The following BBX variants were observed in gnomAD, a reference collection of about 807,000 sequenced individuals.
BBX encodes HMG box transcription factor BBX.
BBX carries 30 observed loss-of-function variants against 100.2 expected under a neutral mutation model. The observed-to-expected ratio is 0.30, with a 90% CI of 0.22 to 0.41. The LOEUF (loss-of-function observed/expected upper bound fraction) is 0.41. BBX is among the 10% of genes least tolerant of loss of function. BBX has a pLI of 1.00. For missense variants in BBX, 1,023 were observed against 1,129.8 expected, an observed-to-expected ratio of 0.91 and a Z score of 1.35; for synonymous variants, 376 against 388.1, an observed-to-expected ratio of 0.97 and a Z score of 0.37.
At position 107,805,944 on chromosome 3, in the gene BBX, AT is replaced by A; in HGVS notation, c.*488del. Reference sequence around the variant, plus strand: ...GAGATTTAAGTTTAAGATGGTTTATATAATAGGTTATACCTACATTTATATT... The same window carrying A: ...GAGATTTAAGTTTAAGATGGTTTATAAATAGGTTATACCTACATTTATATT... On this transcript the variant is annotated 3_prime_UTR_variant, in exon 18 of 18. Transcript: ENST00000325805. 1.3e-5 allele frequency: 2 copies of A among 156,404 alleles called. No individual in the cohort carries two copies. Among genetic ancestry groups the A allele is most frequent in the Middle Eastern group, 3.4e-3 (1 of 294 alleles). The allele number at this position is 156,404 out of a possible 1,614,324, so 9.7% of individuals were successfully genotyped here.
chr3:107,656,277 T>C (rs749241066), intron 3 of BBX, among the ~76,000 whole-genome samples: 7 of 152,248 alleles, frequency 4.6e-5, no homozygotes, highest in Non-Finnish European at 1.0e-4. Flanking sequence ...GCTTGGTCTT[T>C]GTCCCGTGTA....
intron 3 of BBX, among the ~76,000 whole-genome samples, chr3:107,671,868 A>G (rs1318268635): frequency 1.3e-5 from 2 of 152,076 alleles, no homozygotes; most frequent in African/African-American, 4.8e-5. Flanking sequence ...GCCTAGTTTT[A>G]CGATTCTGTT....
chr3:107,659,994 T>G lies in BBX; in HGVS notation c.-10+14085T>G, dbSNP rs76593558. Among the ~76,000 whole-genome samples, 1,144 of 152,220 alleles carry G rather than the reference T, an allele frequency of 7.5e-3. 12 individuals carry two copies. The highest frequency in any genetic ancestry group is 0.026 in the African/African-American group (1,083 of 41,534). On this transcript the variant is annotated intron_variant, in intron 3 of 17. Transcript: ENST00000325805. ...GTTTCCACACATAGCAGTGAAGAGA[T>G]AGTGAGTTTTCTAATGATGACACTG...
At chr3:107,784,119 T>C (rs1213737980) in intron 13 of BBX, among the ~76,000 whole-genome samples, 1 of 151,994 alleles carries the variant, frequency 6.6e-6, no homozygotes, top group African/African-American at 2.4e-5. Context: ...TATCTGTGAA[T>C]GAAAACAACC....
chr3:107,778,773 A>G lies in BBX; in HGVS notation c.2203+254A>G, dbSNP rs75315315. On this transcript the variant is annotated intron_variant, in intron 13 of 17. Coordinates refer to ENST00000325805, the MANE Select transcript of BBX (RefSeq NM_001142568.3). ...CTAAGCTTTTGCAAAGATGTTACAC[A>G]TGGTCTTCAACCTCCTGCTCTCCAG... 7.5e-4 allele frequency among the ~76,000 whole-genome samples: 114 copies of G among 151,956 alleles called. 2 individuals carry two copies. The East Asian group carries it at 0.019, about 26-fold the overall frequency.
intron 17 of BBX, among the ~76,000 whole-genome samples, chr3:107,802,165 C>T (rs1289164039): frequency 6.6e-6 from 1 of 152,232 alleles, no homozygotes; most frequent in Non-Finnish European, 1.5e-5. Flanking sequence ...GAGCTGCTTT[C>T]TTAGACTTTC....
intron 4 of BBX, among the ~76,000 whole-genome samples, chr3:107,713,916 GT>G (rs1331504539): frequency 4.9e-5 from 5 of 101,614 alleles, no homozygotes; most frequent in Non-Finnish European, 1.1e-4. Flanking sequence ...ATTCTGATTT[GT>G]TTCTCCTTTT....
At chr3:107,664,287 C>T (rs186509862) in intron 3 of BBX, among the ~76,000 whole-genome samples, 72 of 152,198 alleles carry the variant, frequency 4.7e-4, no homozygotes, top group African/African-American at 1.6e-3. Flanking sequence ...GATAATGCCA[C>T]GTGGATTTCC....
intron 2 of BBX, among the ~76,000 whole-genome samples, chr3:107,596,987 T>C (rs538988135): frequency 6.6e-6 from 1 of 152,352 alleles, no homozygotes; most frequent in East Asian, 1.9e-4. Context: ...TAAACTTTTT[T>C]ACTCCTGTAA....
chr3:107,671,639 A>G (rs2059024246), intron 3 of BBX, among the ~76,000 whole-genome samples: 1 of 152,154 alleles, frequency 6.6e-6, no homozygotes, highest in Admixed American at 6.6e-5. Context: ...ACAGAGAAAC[A>G]TATCTCAAAA....
intron 6 of BBX, among the ~76,000 whole-genome samples, chr3:107,729,858 CTT>C (rs1358307353): frequency 1.3e-5 from 2 of 152,072 alleles, no homozygotes; most frequent in Non-Finnish European, 2.9e-5. Context: ...TTTAACGAGA[CTT>C]TATGATTCAG....
At chr3:107,586,302 G>C (rs904680861) in intron 2 of BBX, among the ~76,000 whole-genome samples, 10 of 152,130 alleles carry the variant, frequency 6.6e-5, no homozygotes, top group African/African-American at 2.4e-4. Context: ...GAATGAACTT[G>C]TATGCAGTTT....
chr3:107,727,587 T>G (rs1362010147), intron 5 of BBX, among the ~76,000 whole-genome samples: 1 of 152,194 alleles, frequency 6.6e-6, no homozygotes, highest in Non-Finnish European at 1.5e-5. Flanking sequence ...AATGGATTAT[T>G]CAGAAACTTT....
At chr3:107,722,904 C>T (rs1004315410) in intron 5 of BBX, among the ~76,000 whole-genome samples, 3 of 152,012 alleles carry the variant, frequency 2.0e-5, no homozygotes, top group Admixed American at 6.6e-5. Context: ...AATTCCTTCT[C>T]TTCTTCCACC....
chr3:107,637,737 T>C (rs1023279255), intron 2 of BBX, among the ~76,000 whole-genome samples: 2 of 152,180 alleles, frequency 1.3e-5, no homozygotes, highest in African/African-American at 2.4e-5. Flanking sequence ...CACAGCTCTA[T>C]CATAAACCAG....
At chr3:107,716,895 C>T (rs762812771) in intron 5 of BBX, 46 bp downstream of exon 5, 1 of 1,590,174 alleles carries the variant, frequency 6.3e-7, no homozygotes, top group Non-Finnish European at 8.6e-7. Flanking sequence ...AGCAACCAGT[C>T]CTGAAACTCC....
At position 107,590,402 on chromosome 3, in the gene BBX, C is replaced by G. The variant is rs141786021; in HGVS notation, c.-83-55434C>G. ...TTTGTGTGTAAAGAACATTGCAAAT[C>G]TATGTATTTTGAAATACACAGTAAA... is the stretch of plus-strand genomic sequence containing the variant. On this transcript the variant is annotated intron_variant, in intron 2 of 17. Transcript: ENST00000325805. Among the ~76,000 whole-genome samples, 882 of 152,266 alleles carry G rather than the reference C, an allele frequency of 5.8e-3. 40 individuals carry two copies. The highest frequency in any genetic ancestry group is 0.054 in the Admixed American group (825 of 15,298).
intron 3 of BBX, among the ~76,000 whole-genome samples, chr3:107,685,995 C>A (rs1055862095): frequency 6.6e-6 from 1 of 152,094 alleles, no homozygotes; most frequent in Non-Finnish European, 1.5e-5. Flanking sequence ...CTTTATTGAT[C>A]CAGTTCATTT....
At chr3:107,720,214 ATTC>A (rs1001440446) in intron 5 of BBX, among the ~76,000 whole-genome samples, 41 of 152,118 alleles carry the variant, frequency 2.7e-4, no homozygotes, top group African/African-American at 9.6e-4. Context: ...GAGCTGGGTT[ATTC>A]TTTCCCATTT....
Sources: allele counts gnomAD v4.1 joint callset (sites outside exome capture counted in the v4.1 genomes callset), GRCh38; gene constraint gnomAD v4.1.1; transcripts MANE v1.5; gene names NCBI Gene and HGNC (gene_info 2026-07-23, HGNC 2026-07-21).